Variants in A2M observed in about 807,000 individuals in gnomAD.
A2M encodes the protein alpha-2-macroglobulin, also known as C3 and PZP-like alpha-2-macroglobulin domain-containing protein 5.
In A2M, 128 loss-of-function variants were observed where a neutral mutation model predicts 183.9. The ratio of observed to expected loss-of-function variants is 0.70; its 90% CI spans 0.60 to 0.81. The LOEUF (loss-of-function observed/expected upper bound fraction) is 0.81. Among genes scored for constraint, A2M ranks in the 30% least tolerant of loss-of-function variants. The pLI, the probability that A2M is intolerant of heterozygous loss-of-function variation, is 0.00. For synonymous variants in A2M, 592 were observed against 670.8 expected (o/e 0.88, Z 1.81); for missense variants, 1,495 against 1,787.6 (o/e 0.84, Z 2.95).
In A2M at chr12:9,069,790, G is replaced by C; in HGVS notation, c.4218C>G (p.Ser1406Arg). 1 of 1,612,972 alleles carries C rather than the reference G, an allele frequency of 6.2e-7. No homozygotes were observed. Among genetic ancestry groups the C allele is most frequent in the Non-Finnish European group, 8.5e-7 (1 of 1,179,368 alleles). ...CATGGTTGCTGCTGACTTCTGTCCGGCTCACATGGTTAGATCTTTCAAGCT... is the reference window on the plus strand; with the variant it reads ...CATGGTTGCTGCTGACTTCTGTCCGCCTCACATGGTTAGATCTTTCAAGCT... Reference protein sequence around the residue: ...VKMLERSNHVSRTEVSSNHVL... With the variant: ...VKMLERSNHVRRTEVSSNHVL... Residue 1406 changes from serine (S) to arginine (R), a missense_variant, in exon 33 of 36, where the codon AGC becomes AGG. By Grantham distance (110) the Ser-to-Arg change is moderately radical (BLOSUM62 -1). Transcript: ENST00000318602.
At chr12:9,113,757 T>A (rs1938923831) in intron 1 of A2M, among the ~76,000 whole-genome samples, 1 of 152,170 alleles carries the variant, frequency 6.6e-6, no homozygotes, top group Admixed American at 6.5e-5. Flanking sequence ...TTGAGGTAGG[T>A]CTTAAACAGA....
In A2M at chr12:9,098,646, C is replaced by A. The variant is rs770551794; in HGVS notation, c.1812G>T (p.Val604=). 7 of 1,609,186 alleles carry A rather than the reference C, an allele frequency of 4.4e-6. No individual in the cohort carries two copies. Among genetic ancestry groups the A allele is most frequent in the Non-Finnish European group, 5.9e-6 (7 of 1,178,036 alleles). Residue 604 remains valine (V), a synonymous_variant, in exon 15 of 36, where the codon GTG becomes GTT. Coordinates refer to ENST00000318602, the MANE Select transcript of A2M (RefSeq NM_000014.6). ...VCALRAVDQS[V]LLMKPDAELS... The stretch of plus-strand genomic sequence containing the variant: ...GCTCAGCATCAGGCTTCATGAGCAG[C>A]ACGCTTTGGTCCACAGCACGGAGGG...
chr12:9,096,111 G>A (rs748367743), intron 15 of A2M, among the ~76,000 whole-genome samples: 6 of 152,280 alleles, frequency 3.9e-5, no homozygotes, highest in Middle Eastern at 3.4e-3. Context: ...ATGAACATCC[G>A]TCTTTCTTTG....
At chr12:9,107,874 GT>G (rs958520571) in intron 7 of A2M, among the ~76,000 whole-genome samples, 14 of 146,816 alleles carry the variant, frequency 9.5e-5, no homozygotes, top group Non-Finnish European at 1.8e-4. Context: ...TTTTTTCCTC[GT>G]TTTTTTTTAG....
intron 22 of A2M, among the ~76,000 whole-genome samples, chr12:9,082,176 G>T (rs142296559): frequency 8.7e-4 from 133 of 152,266 alleles, no homozygotes; most frequent in African/African-American, 3.1e-3. Context: ...CACAAGGGTG[G>T]GGTAGCAATC....
intron 18 of A2M, among the ~76,000 whole-genome samples, chr12:9,092,042 T>C (rs1164783012): frequency 6.6e-6 from 1 of 152,230 alleles, no homozygotes; most frequent in Non-Finnish European, 1.5e-5. Flanking sequence ...AGTTTCTCCC[T>C]GGAAGGGCTT....
chr12:9,101,256 C>G, intron 12 of A2M, 49 bp from the exon 13 acceptor site: 1 of 1,523,478 alleles, frequency 6.6e-7, no homozygotes. Context: ...AGAGAACACG[C>G]TTCAGTCTCA....
rs777160118 is a variant in A2M, at chr12:9,072,793, T to C, written c.3835A>G (p.Thr1279Ala). 2.5e-6 allele frequency: 4 copies of C among 1,614,200 alleles called. No individual in the cohort carries two copies. The Admixed American group carries it at 6.7e-5, about 27-fold the overall frequency. Residue 1279 changes from threonine to alanine, a missense_variant, in exon 30 of 36, where the codon ACT (threonine) becomes GCT (alanine). Thr to Ala is a moderately conservative substitution (Grantham distance 58, BLOSUM62 0). Transcript: ENST00000318602. ...FTRTGKAAQV[T>A]IQSSGTFSSK... ...GAAAATGTCCCTGAAGACTGGATAG[T>C]CACCTGTGCAGCCTTCCCAGTCCTG... is the stretch of plus-strand genomic sequence containing the variant.
Position 9,101,459 on chromosome 12 carries a change from G to A in A2M, c.1482C>T (p.Ser494=). Residue 494 remains serine, a synonymous_variant, in exon 12 of 36, where the codon TCC becomes TCT. Coordinates refer to ENST00000318602, the MANE Select transcript of A2M (RefSeq NM_000014.6). ...GGTLLGLKKL[S]FYYLIMAKGG... ...CCTCCCTTCTCACCAGATAATAGAA[G>A]GAGAGCTTCTTCAGCCCCAGCAGGG... 6 of 1,613,360 alleles carry A rather than the reference G, an allele frequency of 3.7e-6. No individual in the cohort carries two copies. Among genetic ancestry groups the A allele is most frequent in the Non-Finnish European group, 5.1e-6 (6 of 1,179,524 alleles).
intron 1 of A2M, among the ~76,000 whole-genome samples, chr12:9,113,778 T>C (rs971196330): frequency 3.3e-5 from 5 of 152,230 alleles, no homozygotes; most frequent in African/African-American, 1.2e-4. Flanking sequence ...TTAAAACTTG[T>C]AGGCATGCTT....
At chr12:9,074,087 TAAAA>T (rs3080599) in intron 29 of A2M, among the ~76,000 whole-genome samples, 52,433 of 131,292 alleles carry the variant, frequency 0.4, 9,959 homozygotes, top group Admixed American at 0.44. Flanking sequence ...GACTCTGTCT[TAAAA>T]AAAAAAAAAA....
chr12:9,096,239 C>T (rs917959721), intron 15 of A2M, among the ~76,000 whole-genome samples: 2 of 152,188 alleles, frequency 1.3e-5, no homozygotes, highest in Non-Finnish European at 2.9e-5. Flanking sequence ...TCTAAGTACT[C>T]ATCTAAGTAC....
chr12:9,068,601 G>A, intron 34 of A2M, 139 bp downstream of exon 34: 1 of 714,338 alleles, frequency 1.4e-6, no homozygotes, highest in Non-Finnish European at 2.4e-6. Context: ...GACAAAAAGA[G>A]GGGCATCAGA....
intron 19 of A2M, 113 bp from the exon 20 acceptor site, chr12:9,090,595 G>T (rs965106540): frequency 1.8e-6 from 2 of 1,122,994 alleles, no homozygotes; most frequent in East Asian, 2.5e-5. Context: ...TCACATTAAA[G>T]ATGATATAAA....
rs756302168 is a variant in A2M, at chr12:9,109,925, C to T, written c.615G>A (p.Val205=). 1.2e-6 allele frequency: 2 copies of T among 1,613,824 alleles called. No individual in the cohort carries two copies. The highest frequency in any genetic ancestry group is 1.3e-5 in the African/African-American group (1 of 75,016). Residue 205 remains valine (V), a synonymous_variant, in exon 6 of 36, where the codon GTG becomes GTA. Coordinates refer to ENST00000318602, the MANE Select transcript of A2M (RefSeq NM_000014.6). ...TTCCACCTGATTTCTTCTGTACCAC[C>T]ACCTTGTAGGAGCCCTGGAAGGGCT... ...SSEPFQGSYK[V]VVQKKSGGRT... is the part of the protein sequence containing the mutation.
intron 11 of A2M, 136 bp downstream of exon 11, chr12:9,104,103 A>G (rs1938098517): frequency 4.7e-6 from 4 of 856,432 alleles, no homozygotes; most frequent in Non-Finnish European, 6.9e-6. Context: ...AAAAAAGTTA[A>G]CCTTCAATCG....
At chr12:9,071,945 A>G (rs1352429511) in intron 31 of A2M, among the ~76,000 whole-genome samples, 2 of 152,222 alleles carry the variant, frequency 1.3e-5, no homozygotes, top group East Asian at 3.8e-4. Context: ...CAAATTAATT[A>G]TATCATATAT....
chr12:9,072,428 A>G lies in A2M; in HGVS notation c.4034T>C (p.Val1345Ala), dbSNP rs1948604319. The G allele has an allele frequency of 1.2e-6, 2 of 1,613,676 alleles. No individual in the cohort carries two copies. The highest frequency in any genetic ancestry group is 2.7e-5 in the African/African-American group (2 of 74,896). The change falls in exon 31 of 36, where the codon GTG becomes GCG. Residue 1345 changes from valine (V) to alanine (A), a missense_variant. By Grantham distance (64) the Val-to-Ala change is moderately conservative. Coordinates refer to ENST00000318602, the MANE Select transcript of A2M (RefSeq NM_000014.6). ...ATCACAAGTTTGAGGCAGAGTCTGC[A>G]CTCCTAAAGCAAAGGGGAACTCTTC... ...EKEEFPFALG[V>A]QTLPQTCDEP...
chr12:9,081,499 C>A (rs1260879062), intron 22 of A2M, among the ~76,000 whole-genome samples: 2 of 152,214 alleles, frequency 1.3e-5, no homozygotes, highest in Non-Finnish European at 2.9e-5. Flanking sequence ...GAAAGTCCAA[C>A]TAGCTGCTAT....
Sources: allele counts gnomAD v4.1 joint callset (sites outside exome capture counted in the v4.1 genomes callset), GRCh38; gene constraint gnomAD v4.1.1; transcripts MANE v1.5; gene names NCBI Gene and HGNC (gene_info 2026-07-23, HGNC 2026-07-21).